MACROD2: variants seen among roughly 807,000 people sequenced by gnomAD.
MACROD2 encodes the protein ADP-ribose glycohydrolase MACROD2.
MACROD2 carries 36 observed loss-of-function variants against 70.4 expected under a neutral mutation model. The observed-to-expected ratio is 0.51, with a 90% CI of 0.39 to 0.68. The LOEUF (loss-of-function observed/expected upper bound fraction) is 0.68. Among genes scored for constraint, MACROD2 ranks in the 30% least tolerant of loss-of-function variants. MACROD2 has a pLI of 0.00. For synonymous variants in MACROD2, 172 were observed against 178.8 expected, an observed-to-expected ratio of 0.96 and a Z score of 0.30; for missense variants, 496 against 538.4, an observed-to-expected ratio of 0.92 and a Z score of 0.78.
chr20:14,523,440 C>A (rs1418922218), intron 4 of MACROD2: 1 of 152,148 alleles, frequency 6.6e-6, no homozygotes, highest in Non-Finnish European at 1.5e-5. Flanking sequence ...GCTTCTGTCC[C>A]CATTTTGGGG....
chr20:15,948,471 C>T (rs1347687672), intron 12 of MACROD2, among the ~76,000 whole-genome samples: 1 of 149,996 alleles, frequency 6.7e-6, no homozygotes, highest in Non-Finnish European at 1.5e-5. Context: ...AGCCACTTTC[C>T]CAAATTTGTT....
chr20:15,232,916 G>A (rs554614213), intron 6 of MACROD2, among the ~76,000 whole-genome samples: 5 of 152,126 alleles, frequency 3.3e-5, no homozygotes, highest in African/African-American at 1.2e-4. Flanking sequence ...TGTAAGACAA[G>A]TAGTATGATA....
intron 5 of MACROD2, among the ~76,000 whole-genome samples, chr20:15,123,203 C>T (rs749710880): frequency 4.6e-5 from 7 of 152,108 alleles, no homozygotes; most frequent in Non-Finnish European, 1.0e-4. Context: ...ACATGGACAA[C>T]AAGCTGCAGC....
chr20:15,881,109 G>A (rs1436523347), intron 9 of MACROD2, among the ~76,000 whole-genome samples: 1 of 151,936 alleles, frequency 6.6e-6, no homozygotes, highest in Admixed American at 6.6e-5. Context: ...CTTCGTAATG[G>A]GTACACAAGG....
chr20:14,415,580 A>G (rs767525167), intron 3 of MACROD2, among the ~76,000 whole-genome samples: 2 of 152,190 alleles, frequency 1.3e-5, no homozygotes, highest in Non-Finnish European at 2.9e-5. Context: ...AAGAGAGGGA[A>G]GCTTGCTGAG....
chr20:15,622,799 C>A (rs1053120437), intron 8 of MACROD2, among the ~76,000 whole-genome samples: 3 of 152,232 alleles, frequency 2.0e-5, no homozygotes, highest in Non-Finnish European at 4.4e-5. Flanking sequence ...ACTTTTCTTA[C>A]GGTGTATTGT....
chr20:14,684,638 A>G (rs550068297), intron 4 of MACROD2, among the ~76,000 whole-genome samples: 5 of 103,562 alleles, frequency 4.8e-5, no homozygotes, highest in Admixed American at 1.1e-4. Flanking sequence ...TCTGTTCACC[A>G]CATAACCTCA....
intron 3 of MACROD2, among the ~76,000 whole-genome samples, chr20:14,177,919 A>G (rs773139853): frequency 1.3e-5 from 2 of 152,208 alleles, no homozygotes; most frequent in African/African-American, 4.8e-5. Context: ...ATAAAAGTGC[A>G]TTTTTCTTTA....
chr20:14,123,365 G>A (rs2054608101), intron 3 of MACROD2, among the ~76,000 whole-genome samples: 1 of 152,008 alleles, frequency 6.6e-6, no homozygotes, highest in Non-Finnish European at 1.5e-5. Flanking sequence ...CTGCTATGTG[G>A]CATTGGTCAT....
At chr20:14,405,229 C>A (rs1234927878) in intron 3 of MACROD2, among the ~76,000 whole-genome samples, 1 of 152,048 alleles carries the variant, frequency 6.6e-6, no homozygotes, top group South Asian at 2.1e-4. Context: ...CTTGAGTGAT[C>A]GGTTAGCATT....
chr20:14,254,249 C>T (rs2082035624), intron 3 of MACROD2, among the ~76,000 whole-genome samples: 2 of 151,836 alleles, frequency 1.3e-5, no homozygotes, highest in African/African-American at 4.8e-5. Context: ...TGTCCTAATT[C>T]TCTCAAAAAT....
chr20:14,233,090 A>T (rs899082207), intron 3 of MACROD2, among the ~76,000 whole-genome samples: 1 of 152,198 alleles, frequency 6.6e-6, no homozygotes, highest in African/African-American at 2.4e-5. Context: ...ACATTTATAG[A>T]TTAAGTTCAT....
chr20:14,811,549 G>A (rs564671803), intron 5 of MACROD2, among the ~76,000 whole-genome samples: 3 of 152,202 alleles, frequency 2.0e-5, no homozygotes, highest in Non-Finnish European at 2.9e-5. Flanking sequence ...AGCACCAAAA[G>A]CAATGGCAAC....
At chr20:14,979,667 A>G (rs1048574883) in intron 5 of MACROD2, among the ~76,000 whole-genome samples, 1 of 152,182 alleles carries the variant, frequency 6.6e-6, no homozygotes, top group African/African-American at 2.4e-5. Flanking sequence ...AGTTTTTTTT[A>G]CCAAATGCCA....
chr20:15,710,808 C>T (rs1600793442), intron 8 of MACROD2, among the ~76,000 whole-genome samples: 2 of 152,242 alleles, frequency 1.3e-5, no homozygotes, highest in South Asian at 2.1e-4. Flanking sequence ...TTTGAGTTAC[C>T]GGTTTCTAAG....
chr20:14,203,612 A>G (rs931556767), intron 3 of MACROD2, among the ~76,000 whole-genome samples: 1 of 152,224 alleles, frequency 6.6e-6, no homozygotes, highest in African/African-American at 2.4e-5. Flanking sequence ...GATTCTGGGT[A>G]AGCACAGTAG....
intron 3 of MACROD2, among the ~76,000 whole-genome samples, chr20:14,243,145 C>A (rs772946198): frequency 6.6e-6 from 1 of 152,168 alleles, no homozygotes; most frequent in African/African-American, 2.4e-5. Context: ...CTTTTCAGTT[C>A]ATTGTGTTAA....
At chr20:15,627,075 T>C (rs2049214488) in intron 8 of MACROD2, among the ~76,000 whole-genome samples, 1 of 151,924 alleles carries the variant, frequency 6.6e-6, no homozygotes, top group South Asian at 2.1e-4. Flanking sequence ...TTGGGGTAAA[T>C]AGGATTTCAG....
chr20:15,070,147 G>A (rs1361491687), intron 5 of MACROD2, among the ~76,000 whole-genome samples: 1 of 152,154 alleles, frequency 6.6e-6, no homozygotes, highest in African/African-American at 2.4e-5. Flanking sequence ...GATTATGCTG[G>A]AGCTGTAAGA....
Sources: allele counts gnomAD v4.1 joint callset (sites outside exome capture counted in the v4.1 genomes callset), GRCh38; gene constraint gnomAD v4.1.1; transcripts MANE v1.5; gene names NCBI Gene and HGNC (gene_info 2026-07-23, HGNC 2026-07-21).